Variants in MNAT1 observed in about 807,000 individuals in gnomAD.
MNAT1 encodes MNAT1 component of CDK activating kinase.
MNAT1 carries 43 observed loss-of-function variants against 42.0 expected under a neutral mutation model. The observed-to-expected ratio is 1.02, with a 90% CI of 0.80 to 1.32. MNAT1 has a LOEUF of 1.32. Among genes scored for constraint, MNAT1 ranks in the 40% most tolerant of loss-of-function variants. The pLI is 0.00. For missense variants in MNAT1, 306 were observed against 350.4 expected, an observed-to-expected ratio of 0.87 and a Z score of 1.01; for synonymous variants, 118 against 120.0, an observed-to-expected ratio of 0.98 and a Z score of 0.11.
intron 7 of MNAT1, among the ~76,000 whole-genome samples, chr14:60,926,001 G>A (rs946863560): frequency 7.9e-5 from 12 of 152,138 alleles, no homozygotes; most frequent in South Asian, 4.1e-4. Flanking sequence ...CAGTGTAAGA[G>A]GAGATCTTTT....
At chr14:60,910,684 C>T (rs2035330782) in intron 7 of MNAT1, among the ~76,000 whole-genome samples, 1 of 152,124 alleles carries the variant, frequency 6.6e-6, no homozygotes, top group African/African-American at 2.4e-5. Context: ...TCCACTTGAT[C>T]ATGGTGGATA....
chr14:60,874,747 C>T (rs2034401129), intron 6 of MNAT1, among the ~76,000 whole-genome samples: 1 of 152,096 alleles, frequency 6.6e-6, no homozygotes, highest in Admixed American at 6.6e-5. Flanking sequence ...AGAATAATAT[C>T]TATCACCCTT....
At chr14:60,805,866 G>T (rs1210055518) in intron 3 of MNAT1, among the ~76,000 whole-genome samples, 1 of 152,178 alleles carries the variant, frequency 6.6e-6, no homozygotes, top group Non-Finnish European at 1.5e-5. Flanking sequence ...GTGTGAACAT[G>T]TGTTTTCAAT....
At chr14:60,790,907 AATATTT>A (rs1292213724) in intron 1 of MNAT1, among the ~76,000 whole-genome samples, 2 of 152,164 alleles carry the variant, frequency 1.3e-5, no homozygotes, top group African/African-American at 4.8e-5. Flanking sequence ...CTTTCTAGAA[AATATTT>A]ATAGTGTTAT....
Position 60,968,614 on chromosome 14 carries a change from A to C in MNAT1, c.*265A>C, listed in dbSNP as rs1172874363. ...GAAGAGAGGAATAAATAATTCACCT[A>C]TATGTGTTTGAGGTTGTGACAGACT... On this transcript the variant is annotated 3_prime_UTR_variant, in exon 8 of 8. Transcript: ENST00000261245. 1.1e-6 allele frequency: 1 copy of C among 948,234 alleles called. No homozygotes were observed. The highest frequency in any genetic ancestry group is 1.5e-5 in the South Asian group (1 of 68,352). 58.7% of individuals were successfully genotyped at this position (948,234 alleles called of 1,614,324 possible).
intron 6 of MNAT1, among the ~76,000 whole-genome samples, chr14:60,823,985 T>TA (rs1236151285): frequency 6.6e-6 from 1 of 151,252 alleles, no homozygotes; most frequent in Non-Finnish European, 1.5e-5. Context: ...GGTGAAACCC[T>TA]ATCTGTACTA....
Position 60,857,075 on chromosome 14 carries a change from C to T in MNAT1, c.688-22639C>T, listed in dbSNP as rs117059806. On this transcript the variant is annotated intron_variant, in intron 6 of 7. Coordinates refer to ENST00000261245, the MANE Select transcript of MNAT1 (RefSeq NM_002431.4). The stretch of plus-strand genomic sequence containing the variant: ...GGGCGCAACCAAGTCTAGGTGACAG[C>T]GTATCTGCTTACAGCATGGCTTGCT... 3.1e-4 allele frequency among the ~76,000 whole-genome samples: 47 copies of T among 152,338 alleles called. No homozygotes were observed. In the East Asian group the frequency reaches 6.9e-3, roughly 23 times the overall value.
intron 7 of MNAT1, among the ~76,000 whole-genome samples, chr14:60,899,045 T>C (rs1205777904): frequency 6.6e-6 from 1 of 152,186 alleles, no homozygotes; most frequent in Non-Finnish European, 1.5e-5. Flanking sequence ...CTTGGTATCA[T>C]TGTTGATTAT....
intron 7 of MNAT1, among the ~76,000 whole-genome samples, chr14:60,934,421 C>A (rs1305929732): frequency 6.6e-6 from 1 of 152,116 alleles, no homozygotes; most frequent in Non-Finnish European, 1.5e-5. Flanking sequence ...GTGTCCGCAC[C>A]CAAATCTTAT....
intron 6 of MNAT1, among the ~76,000 whole-genome samples, chr14:60,839,432 G>A (rs2033484749): frequency 6.6e-6 from 1 of 152,176 alleles, no homozygotes; most frequent in African/African-American, 2.4e-5. Context: ...GTTCAGTAAA[G>A]CTCCTCTCTG....
At chr14:60,834,634 G>C (rs2033321894) in intron 6 of MNAT1, among the ~76,000 whole-genome samples, 1 of 152,188 alleles carries the variant, frequency 6.6e-6, no homozygotes, top group South Asian at 2.1e-4. Context: ...TGTAGATTCT[G>C]TTGACTTGAG....
rs1419442886 is a variant in MNAT1 at position 60,746,909 on chromosome 14, T to TAC, written c.89+11959_89+11960insCA. Among the ~76,000 whole-genome samples, 3 of 24,608 alleles carry TAC rather than the reference T, an allele frequency of 1.2e-4. No homozygotes were observed. The Admixed American group carries it at 1.5e-3, about 12-fold the overall frequency. 16.1% of individuals were successfully genotyped at this position (24,608 alleles called of 152,430 possible). Reference sequence around the variant, plus strand: ...TAAAGATTCATTTCATATATATATATATATATATATATATACACACACACA... The same window carrying TAC: ...TAAAGATTCATTTCATATATATATATACATATATATATATATACACACACACA... On this transcript the variant is annotated intron_variant, in intron 1 of 7. Transcript: ENST00000261245.
At chr14:60,769,692 G>A (rs986367567) in intron 1 of MNAT1, among the ~76,000 whole-genome samples, 3 of 151,924 alleles carry the variant, frequency 2.0e-5, no homozygotes, top group African/African-American at 4.8e-5. Flanking sequence ...GCCTTACTCC[G>A]TTGCCCGACT....
At chr14:60,822,709 G>T (rs1320675503) in intron 6 of MNAT1, among the ~76,000 whole-genome samples, 1 of 151,596 alleles carries the variant, frequency 6.6e-6, no homozygotes, top group Non-Finnish European at 1.5e-5. Flanking sequence ...CTTCGAAAGT[G>T]CTAGGATTAC....
intron 7 of MNAT1, among the ~76,000 whole-genome samples, chr14:60,962,965 A>C (rs2036621999): frequency 6.6e-6 from 1 of 151,536 alleles, no homozygotes; most frequent in African/African-American, 2.4e-5. Context: ...TTTGGACTTC[A>C]TGAAGCCATA....
chr14:60,802,919 A>T (rs1208430174), intron 3 of MNAT1, among the ~76,000 whole-genome samples: 1 of 151,286 alleles, frequency 6.6e-6, no homozygotes, highest in Non-Finnish European at 1.5e-5. Flanking sequence ...GTTTGTCATC[A>T]TATAAATAAA....
intron 1 of MNAT1, among the ~76,000 whole-genome samples, chr14:60,736,064 T>C (rs1171432100): frequency 6.6e-6 from 1 of 152,236 alleles, no homozygotes; most frequent in African/African-American, 2.4e-5. Context: ...TACTTAACTT[T>C]TCTAATTGAT....
intron 7 of MNAT1, among the ~76,000 whole-genome samples, chr14:60,928,756 ATAGT>A (rs1031982873): frequency 1.3e-5 from 2 of 152,094 alleles, no homozygotes; most frequent in Non-Finnish European, 2.9e-5. Context: ...AAAAAAATTA[ATAGT>A]TAAAAAAAGA....
At chr14:60,820,926 T>A (rs1361558196) in intron 6 of MNAT1, among the ~76,000 whole-genome samples, 4 of 152,110 alleles carry the variant, frequency 2.6e-5, no homozygotes, top group Non-Finnish European at 5.9e-5. Context: ...TACTAAGAAG[T>A]CAATGGTAAA....
Sources: allele counts gnomAD v4.1 joint callset (sites outside exome capture counted in the v4.1 genomes callset), GRCh38; gene constraint gnomAD v4.1.1; transcripts MANE v1.5; gene names NCBI Gene and HGNC (gene_info 2026-07-23, HGNC 2026-07-21).